The following SEPTIN11 variants were observed in gnomAD, a reference collection of about 807,000 sequenced individuals.
The protein encoded by SEPTIN11 is septin 11.
In SEPTIN11, 25 loss-of-function variants were observed where a neutral mutation model predicts 51.4. The ratio of observed to expected loss-of-function variants is 0.49; its 90% CI spans 0.35 to 0.68. The LOEUF (loss-of-function observed/expected upper bound fraction) is 0.68. SEPTIN11 is among the 30% of genes least tolerant of loss of function. SEPTIN11 has a pLI of 0.00. For synonymous variants in SEPTIN11, 174 were observed against 184.1 expected (o/e 0.95, Z 0.44); for missense variants, 381 against 520.8 (o/e 0.73, Z 2.61).
chr4:77,008,788 T>C (rs1724665585), intron 3 of SEPTIN11, among the ~76,000 whole-genome samples: 1 of 152,178 alleles, frequency 6.6e-6, no homozygotes, highest in African/African-American at 2.4e-5. Context: ...ACGTAAGGGC[T>C]AGATTGGATT....
At chr4:76,959,008 A>G in intron 1 of SEPTIN11, 1 of 769,740 alleles carries the variant, frequency 1.3e-6, no homozygotes, top group East Asian at 2.6e-5. Context: ...CATCTACTTC[A>G]AGGAATACCA....
intron 1 of SEPTIN11, among the ~76,000 whole-genome samples, chr4:76,987,142 T>C (rs1353493737): frequency 1.3e-5 from 2 of 152,218 alleles, no homozygotes; most frequent in Non-Finnish European, 2.9e-5. Context: ...TGAGCTTATC[T>C]ACCTGGCTTT....
At chr4:77,028,520 G>A in intron 7 of SEPTIN11, 109 bp from the exon 8 acceptor site, 7 of 1,223,414 alleles carry the variant, frequency 5.7e-6, no homozygotes, top group Non-Finnish European at 8.0e-6. Flanking sequence ...GATCTGGCAA[G>A]CAGCAGCTTT....
At chr4:76,973,442 C>T (rs1005349331) in intron 1 of SEPTIN11, among the ~76,000 whole-genome samples, 5 of 152,170 alleles carry the variant, frequency 3.3e-5, no homozygotes, top group African/African-American at 9.7e-5. Context: ...AGCCACGCAG[C>T]GCAGCACAAG....
intron 1 of SEPTIN11, among the ~76,000 whole-genome samples, chr4:76,982,177 A>T: frequency 6.8e-6 from 1 of 148,062 alleles, no homozygotes; most frequent in Admixed American, 6.7e-5. Context: ...CTTTCTTTCC[A>T]TCCATCTCCA....
intron 1 of SEPTIN11, among the ~76,000 whole-genome samples, chr4:76,956,241 T>C (rs1454860372): frequency 6.6e-6 from 1 of 152,186 alleles, no homozygotes; most frequent in Non-Finnish European, 1.5e-5. Context: ...TCAAATTTAT[T>C]CAATTCAAAT....
intron 1 of SEPTIN11, among the ~76,000 whole-genome samples, chr4:76,959,512 C>G (rs1337281225): frequency 1.3e-5 from 2 of 151,832 alleles, no homozygotes; most frequent in Non-Finnish European, 2.9e-5. Context: ...AACTCATAAT[C>G]TCTCAGGGTG....
intron 1 of SEPTIN11, among the ~76,000 whole-genome samples, chr4:76,957,030 T>G (rs997547930): frequency 1.1e-4 from 10 of 90,526 alleles, no homozygotes; most frequent in South Asian, 1.0e-3. Context: ...CAGAGAGAGA[T>G]AAGAGTTAGG....
intron 1 of SEPTIN11, among the ~76,000 whole-genome samples, chr4:76,986,378 G>T (rs1004968254): frequency 2.6e-5 from 4 of 151,922 alleles, no homozygotes; most frequent in Non-Finnish European, 5.9e-5. Flanking sequence ...GCCCAGCAGA[G>T]GAGATTGGGC....
At position 77,035,360 on chromosome 4, in the gene SEPTIN11, C is replaced by T; in HGVS notation, c.*848C>T. 2.0e-6 allele frequency: 2 copies of T among 985,448 alleles called. No individual in the cohort carries two copies. 61.0% of individuals were successfully genotyped at this position (985,448 alleles called of 1,614,324 possible). On this transcript the variant is annotated 3_prime_UTR_variant, in exon 10 of 10. Coordinates refer to ENST00000264893, the MANE Select transcript of SEPTIN11 (RefSeq NM_018243.4). ...CAGTAAGGAATCTTTCATAAACACA[C>T]CTCAGTTTGTTCCCAGTGGGCTTAG...
chr4:77,036,279 G>GT lies in SEPTIN11; in HGVS notation c.*1774dup, dbSNP rs1727018850. 9.9e-7 allele frequency: 1 copy of GT among 1,009,166 alleles called. No individual in the cohort carries two copies. Among genetic ancestry groups the GT allele is most frequent in the African/African-American group, 1.7e-5 (1 of 57,462 alleles). 62.5% of individuals were successfully genotyped at this position (1,009,166 alleles called of 1,614,324 possible). The stretch of plus-strand genomic sequence containing the variant: ...GACCAACATTCTTGTTTTTGCTTTT[G>GT]TTTTTTTAAATAATTCTAGTCTGGA... On this transcript the variant is annotated 3_prime_UTR_variant, in exon 10 of 10. Coordinates refer to ENST00000264893, the MANE Select transcript of SEPTIN11 (RefSeq NM_018243.4).
intron 1 of SEPTIN11, among the ~76,000 whole-genome samples, chr4:76,994,118 T>C (rs1472091291): frequency 2.6e-5 from 4 of 152,176 alleles, no homozygotes; most frequent in Non-Finnish European, 4.4e-5. Flanking sequence ...TGTGGGATGA[T>C]AGTTCTGCCC....
intron 7 of SEPTIN11, chr4:77,020,896 C>A: frequency 2.0e-6 from 1 of 505,306 alleles, no homozygotes; most frequent in Non-Finnish European, 3.5e-6. Context: ...GATGAGGAAA[C>A]AAAGGCACTG....
rs1419577271 is a variant in SEPTIN11 at position 77,011,895 on chromosome 4, G to A, written c.499G>A (p.Val167Ile). Residue 167 changes from valine to isoleucine, a missense_variant, in exon 4 of 10, where the codon GTC (valine) becomes ATC (isoleucine). Coordinates refer to ENST00000264893, the MANE Select transcript of SEPTIN11 (RefSeq NM_018243.4). ...TGHSLKSLDLVTMKKLDSKVN... is the reference protein window; with the variant it reads ...TGHSLKSLDLITMKKLDSKVN... The stretch of plus-strand genomic sequence containing the variant: ...ACATTCACTAAAGTCCCTGGATCTG[G>A]TCACCATGAAAAAGCTGGACAGTAA... 7 of 1,613,862 alleles carry A rather than the reference G, an allele frequency of 4.3e-6. No homozygotes were observed. Among genetic ancestry groups the A allele is most frequent in the Non-Finnish European group, 5.9e-6 (7 of 1,179,872 alleles).
chr4:76,990,258 GTTTTTACAGAGCACTGATTGGTGCA>G (rs1267769150), intron 1 of SEPTIN11, among the ~76,000 whole-genome samples: 1 of 152,092 alleles, frequency 6.6e-6, no homozygotes, highest in Non-Finnish European at 1.5e-5. Flanking sequence ...TGATTGGTGT[GTTTTTACAGAGCACTGATTGGTGCA>G]TTTTATAATC....
intron 1 of SEPTIN11, among the ~76,000 whole-genome samples, chr4:76,969,009 ATG>A (rs1722138957): frequency 6.6e-6 from 1 of 152,186 alleles, no homozygotes; most frequent in Non-Finnish European, 1.5e-5. Context: ...TAAAGGTTCC[ATG>A]TGTACATGTG....
chr4:76,984,451 G>A lies in SEPTIN11; in HGVS notation c.28-11974G>A, dbSNP rs550787387. 1.3e-5 allele frequency among the ~76,000 whole-genome samples: 2 copies of A among 152,214 alleles called. No homozygotes were observed. The highest frequency in any genetic ancestry group is 2.1e-4 in the South Asian group (1 of 4,826). On this transcript the variant is annotated intron_variant, in intron 1 of 9. Coordinates refer to ENST00000264893, the MANE Select transcript of SEPTIN11 (RefSeq NM_018243.4). The surrounding 1 kb of genome is among the most constrained non-coding windows in gnomAD (Gnocchi z 4.1). ...GAAAGGAAGTGGCTAATTTATATCC[G>A]GTGATAGAAATGGTGGCATCGGGAA... is the stretch of plus-strand genomic sequence containing the variant.
chr4:77,016,634 A>G (rs1327784030), intron 5 of SEPTIN11, among the ~76,000 whole-genome samples: 3 of 57,176 alleles, frequency 5.2e-5, no homozygotes, highest in Admixed American at 2.2e-4. Context: ...ATATATACAC[A>G]TATATATATA....
At chr4:77,001,413 A>T (rs1724113835) in intron 2 of SEPTIN11, among the ~76,000 whole-genome samples, 1 of 151,916 alleles carries the variant, frequency 6.6e-6, no homozygotes, top group Non-Finnish European at 1.5e-5. Flanking sequence ...GCAGTGGTTC[A>T]ATCTCCACTG....
Sources: gnomAD v4.1 joint callset for allele counts (sites outside exome capture counted in the v4.1 genomes callset) on GRCh38, gnomAD v4.1.1 for gene constraint, Gnocchi (gnomAD v3.1) non-coding constraint, MANE v1.5 for transcripts, NCBI Gene and HGNC (gene_info 2026-07-23, HGNC 2026-07-21) for gene names.